B3GALT1: variants seen among roughly 807,000 people sequenced by gnomAD.
The protein encoded by B3GALT1 is beta-1,3-galactosyltransferase 1.
In B3GALT1, 10 loss-of-function variants were observed where a neutral mutation model predicts 23.2. That is an observed-to-expected ratio of 0.43 (90% CI 0.27 to 0.73). The LOEUF is 0.73. Ranked by LOEUF, B3GALT1 falls within the 30% of genes least tolerant of loss-of-function variation. The pLI, the probability that B3GALT1 is intolerant of heterozygous loss-of-function variation, is 0.21. For synonymous variants in B3GALT1, 156 were observed against 141.5 expected (o/e 1.10, Z -0.73); for missense variants, 299 against 405.4 (o/e 0.74, Z 2.25).
At chr2:167,537,980 G>A (rs369483450) in intron 2 of B3GALT1, among the ~76,000 whole-genome samples, 3 of 152,000 alleles carry the variant, frequency 2.0e-5, no homozygotes, top group South Asian at 2.1e-4. Flanking sequence ...GTGCCACCAC[G>A]CCTGGCTCAT....
chr2:167,645,273 TA>T (rs935404658), intron 2 of B3GALT1, among the ~76,000 whole-genome samples: 85 of 152,306 alleles, frequency 5.6e-4, no homozygotes, highest in African/African-American at 1.9e-3. Flanking sequence ...GCAATACTTT[TA>T]TGAAACAAGA....
intron 2 of B3GALT1, among the ~76,000 whole-genome samples, chr2:167,513,435 A>T (rs1322073803): frequency 2.0e-5 from 3 of 152,218 alleles, no homozygotes; most frequent in Non-Finnish European, 4.4e-5. Context: ...AATGTGAACA[A>T]ATCAATGGCA....
At chr2:167,441,794 G>C (rs1236580236) in intron 1 of B3GALT1, among the ~76,000 whole-genome samples, 1 of 151,934 alleles carries the variant, frequency 6.6e-6, no homozygotes, top group Non-Finnish European at 1.5e-5. Context: ...TCAGGAGCCT[G>C]AGATGGGAGA....
At chr2:167,844,127 A>G (rs1484941490) in intron 4 of B3GALT1, among the ~76,000 whole-genome samples, 1 of 152,200 alleles carries the variant, frequency 6.6e-6, no homozygotes, top group Non-Finnish European at 1.5e-5. Flanking sequence ...ACATAGTCAA[A>G]TGCAAAAGTG....
At chr2:167,387,547 A>T (rs1316379677) in intron 1 of B3GALT1, among the ~76,000 whole-genome samples, 1 of 152,236 alleles carries the variant, frequency 6.6e-6, no homozygotes, top group East Asian at 1.9e-4. Context: ...TGAGCCATTT[A>T]ACTCAACATT....
intron 3 of B3GALT1, among the ~76,000 whole-genome samples, chr2:167,686,572 T>C (rs1354533780): frequency 6.6e-6 from 1 of 152,214 alleles, no homozygotes; most frequent in East Asian, 1.9e-4. Context: ...TTGATGATTT[T>C]GTTTTTGTTT....
At chr2:167,384,403 C>T (rs374135567) in intron 1 of B3GALT1, among the ~76,000 whole-genome samples, 31 of 152,240 alleles carry the variant, frequency 2.0e-4, no homozygotes, top group African/African-American at 6.3e-4. Flanking sequence ...TGTGCTCTCT[C>T]GGAATTCTCA....
At chr2:167,734,975 T>A (rs1687469254) in intron 3 of B3GALT1, among the ~76,000 whole-genome samples, 1 of 152,216 alleles carries the variant, frequency 6.6e-6, no homozygotes, top group Non-Finnish European at 1.5e-5. Flanking sequence ...TCTCTTCCCT[T>A]TCTGCTTATG....
chr2:167,720,013 A>G (rs923398184), intron 3 of B3GALT1, among the ~76,000 whole-genome samples: 2 of 152,044 alleles, frequency 1.3e-5, no homozygotes, highest in African/African-American at 4.8e-5. Flanking sequence ...GCTGCACTTG[A>G]GCAAACTGAG....
At chr2:167,835,345 C>T (rs1283382995) in intron 4 of B3GALT1, among the ~76,000 whole-genome samples, 13 of 150,708 alleles carry the variant, frequency 8.6e-5, no homozygotes, top group African/African-American at 1.5e-4. Flanking sequence ...TGTGCTTTTC[C>T]GACGGGCTTA....
At chr2:167,718,211 CTCT>C (rs1220470890) in intron 3 of B3GALT1, among the ~76,000 whole-genome samples, 2 of 151,944 alleles carry the variant, frequency 1.3e-5, no homozygotes, top group Non-Finnish European at 2.9e-5. Context: ...AATTAAGATT[CTCT>C]TCTTGCAAGA....
chr2:167,686,081 G>A (rs1409856382), intron 3 of B3GALT1, among the ~76,000 whole-genome samples: 1 of 152,136 alleles, frequency 6.6e-6, no homozygotes, highest in East Asian at 1.9e-4. Context: ...CTTTAACCCT[G>A]CTTTGACTTG....
chr2:167,507,775 A>T (rs763173190), intron 2 of B3GALT1, among the ~76,000 whole-genome samples: 33 of 152,288 alleles, frequency 2.2e-4, no homozygotes, highest in South Asian at 1.2e-3. Flanking sequence ...TTAACATTGT[A>T]AGACAAACCA....
At chr2:167,816,862 A>AGAC (rs1216779641) in intron 3 of B3GALT1, among the ~76,000 whole-genome samples, 1 of 152,220 alleles carries the variant, frequency 6.6e-6, no homozygotes, top group Non-Finnish European at 1.5e-5. Flanking sequence ...GGGTTCATGC[A>AGAC]GACTAAAAAC....
intron 4 of B3GALT1, among the ~76,000 whole-genome samples, chr2:167,825,166 T>TC (rs1354666959): frequency 6.6e-6 from 1 of 150,796 alleles, no homozygotes; most frequent in Admixed American, 6.6e-5. Flanking sequence ...GCACCTGTAG[T>TC]CCAGCTGCTC....
intron 4 of B3GALT1, among the ~76,000 whole-genome samples, chr2:167,845,327 G>A (rs986541028): frequency 3.3e-5 from 5 of 152,074 alleles, no homozygotes; most frequent in Non-Finnish European, 5.9e-5. Flanking sequence ...GCTAAGAACC[G>A]TCACAGAGTC....
At chr2:167,849,117 G>A (rs923254807) in intron 4 of B3GALT1, among the ~76,000 whole-genome samples, 2 of 152,176 alleles carry the variant, frequency 1.3e-5, no homozygotes, top group African/African-American at 4.8e-5. Context: ...CATGATCATG[G>A]ATGGGTAGAA....
At chr2:167,422,813 A>G (rs1698568307) in intron 1 of B3GALT1, among the ~76,000 whole-genome samples, 1 of 152,150 alleles carries the variant, frequency 6.6e-6, no homozygotes, top group Non-Finnish European at 1.5e-5. Context: ...TGGACTCCAC[A>G]GAAGGGAGTC....
At chr2:167,309,001 C>T (rs1367108229) in intron 1 of B3GALT1, among the ~76,000 whole-genome samples, 1 of 151,956 alleles carries the variant, frequency 6.6e-6, no homozygotes, top group Admixed American at 6.6e-5. Context: ...TTACCAGTTG[C>T]AAATGTAACA....
Sources: allele counts gnomAD v4.1 joint callset (sites outside exome capture counted in the v4.1 genomes callset), GRCh38; gene constraint gnomAD v4.1.1; transcripts MANE v1.5; gene names NCBI Gene and HGNC (gene_info 2026-07-23, HGNC 2026-07-21).